The following NLRX1 variants were observed in gnomAD, a reference collection of about 807,000 sequenced individuals.
The protein encoded by NLRX1 is NLR family member X1, also known as NOD-like receptor X1.
Under a neutral mutation model 74.2 loss-of-function variants are expected in NLRX1, and 67 were observed. The ratio of observed to expected loss-of-function variants is 0.90; its 90% confidence interval spans 0.74 to 1.11. The LOEUF (loss-of-function observed/expected upper bound fraction) is 1.11, where lower values mean the gene tolerates loss of function less well. NLRX1 is among the 50% of genes least tolerant of loss of function. NLRX1 has a pLI of 0.00. For missense variants in NLRX1, 1,191 were observed against 1,305.4 expected (o/e 0.91, Z 1.35); for synonymous variants, 506 against 559.1 (o/e 0.91, Z 1.34).
At chr11:119,177,621 C>CT (rs1246429760) in intron 6 of NLRX1, among the ~76,000 whole-genome samples, 2 of 148,528 alleles carry the variant, frequency 1.3e-5, no homozygotes, top group Non-Finnish European at 3.0e-5. Context: ...GAGCGAGACT[C>CT]TGTCTCACAA....
chr11:119,181,797 C>T lies in NLRX1; in HGVS notation c.2355-297C>T, dbSNP rs141602215. 3.7e-3 allele frequency among the ~76,000 whole-genome samples: 569 copies of T among 152,004 alleles called. 4 individuals carry two copies. The highest frequency in any genetic ancestry group is 0.013 in the African/African-American group (529 of 41,418). ...GGTGAAAAAGGCAGAAAAAGGGAAA[C>T]GGAAATGGTGAAAAGGAAGGGAATA... On this transcript the variant is annotated intron_variant, in intron 8 of 9. Coordinates refer to ENST00000409109, the MANE Select transcript of NLRX1 (RefSeq NM_001282144.2).
chr11:119,174,241 T>C, intron 5 of NLRX1, 143 bp downstream of exon 5: 1 of 1,182,648 alleles, frequency 8.5e-7, no homozygotes, highest in Non-Finnish European at 1.2e-6. Context: ...TCTGTTCCTT[T>C]CTTTTTGAGT....
Position 119,173,447 on chromosome 11 carries a change from C to T in NLRX1, c.230-32C>T, listed in dbSNP as rs754195270. On this transcript the variant is annotated intron_variant, in intron 4 of 9. Transcript: ENST00000409109. The surrounding 1 kb of genome is among the most constrained non-coding windows in gnomAD (Gnocchi z 4.0). The stretch of plus-strand genomic sequence containing the variant: ...CTAAGCTACATCTCCAGGCCCCTTT[C>T]CCTGACACATTTCCCTTATCTTCCC... The T allele has an allele frequency of 6.3e-7, 1 of 1,598,276 alleles. No homozygotes were observed. Among genetic ancestry groups the T allele is most frequent in the Non-Finnish European group, 8.5e-7 (1 of 1,173,470 alleles).
At chr11:119,174,324 G>A in intron 5 of NLRX1, 129 bp from the exon 6 acceptor site, 1 of 1,081,268 alleles carries the variant, frequency 9.2e-7, no homozygotes, top group East Asian at 2.4e-5. Flanking sequence ...TTCAGTAATT[G>A]CTAGTTATAA....
At position 119,183,770 on chromosome 11, in the gene NLRX1, A is replaced by T. The variant is rs548752798; in HGVS notation, c.*331A>T. ...ACCTTGCCTCCCCCTCCTCTCAAAG[A>T]GCCTCTGACTGTGTCACCAAGGGGC... On this transcript the variant is annotated 3_prime_UTR_variant, in exon 10 of 10. Transcript: ENST00000409109. The surrounding 1 kb of genome is among the most constrained non-coding windows in gnomAD (Gnocchi z 5.7). 37 of 780,396 alleles carry T rather than the reference A, an allele frequency of 4.7e-5. No individual in the cohort carries two copies. The highest frequency in any genetic ancestry group is 4.7e-4 in the South Asian group (35 of 74,574). 48.3% of individuals were successfully genotyped at this position (780,396 alleles called of 1,614,324 possible). A position where few individuals can be genotyped will look rare whatever the true frequency, so the allele number is the denominator to read the frequency against.
chr11:119,181,662 G>A lies in NLRX1; in HGVS notation c.2354+405G>A, dbSNP rs555103579. Among the ~76,000 whole-genome samples the A allele has an allele frequency of 3.3e-5, 5 of 152,236 alleles. No homozygotes were observed. The Middle Eastern group carries it at 0.01, about 311-fold the overall frequency. Reference sequence around the variant, plus strand: ...ATATGTGGGGAACCTGAGCTCCTGGGTTCCCAGTTTCTGATTGGTGTAAGG... The same window carrying A: ...ATATGTGGGGAACCTGAGCTCCTGGATTCCCAGTTTCTGATTGGTGTAAGG... On this transcript the variant is annotated intron_variant, in intron 8 of 9. Transcript: ENST00000409109.
intron 6 of NLRX1, among the ~76,000 whole-genome samples, chr11:119,179,130 T>C (rs540865191): frequency 9.8e-5 from 15 of 152,314 alleles, no homozygotes; most frequent in African/African-American, 3.4e-4. Context: ...CTTAAAGCAG[T>C]AGGAACTGCA....
At chr11:119,175,671 T>C (rs116095690) in intron 6 of NLRX1, among the ~76,000 whole-genome samples, 1,533 of 152,358 alleles carry the variant, frequency 0.01, 25 homozygotes, top group African/African-American at 0.035. Context: ...GATTAGGCTC[T>C]GAGAGTGATG....
At position 119,183,314 on chromosome 11, in the gene NLRX1, C is replaced by G; in HGVS notation, c.2803C>G (p.Leu935Val). ...GGCCCGGGTTCAGCGACACCTTGAG[C>G]TCCTACTGCGGGATCTGGAAGATAG... ...DRARVQRHLE[L>V]LLRDLEDSRG... Residue 935 changes from leucine to valine, a missense_variant, in exon 10 of 10, where the codon CTC (leucine) becomes GTC (valine). Leu to Val is a conservative substitution (Grantham distance 32). Coordinates refer to ENST00000409109, the MANE Select transcript of NLRX1 (RefSeq NM_001282144.2). The surrounding 1 kb of genome is among the most constrained non-coding windows in gnomAD (Gnocchi z 5.7). The G allele has an allele frequency of 6.2e-7, 1 of 1,614,242 alleles. No homozygotes were observed. Among genetic ancestry groups the G allele is most frequent in the Non-Finnish European group, 8.5e-7 (1 of 1,180,054 alleles).
Position 119,174,866 on chromosome 11 carries a change from G to C in NLRX1, c.1263G>C (p.Leu421=). The C allele has an allele frequency of 6.2e-7, 1 of 1,614,064 alleles. No individual in the cohort carries two copies. Among genetic ancestry groups the C allele is most frequent in the East Asian group, 2.2e-5 (1 of 44,886 alleles). The part of the protein sequence containing the change: ...LDSTDPSNLS[L]MAYAARTMGK... ...GCACTGACCCCTCCAATTTGTCCCT[G>C]ATGGCCTATGCAGCCCGAACCATGG... Residue 421 remains leucine (L), a synonymous_variant, in exon 6 of 10, where the codon CTG becomes CTC. Coordinates refer to ENST00000409109, the MANE Select transcript of NLRX1 (RefSeq NM_001282144.2).
In NLRX1 at chr11:119,172,959, G is replaced by A. The variant is rs2135159370; in HGVS notation, c.199G>A (p.Gly67Arg). Residue 67 changes from glycine (G) to arginine (R), a missense_variant, in exon 4 of 10, where the codon GGA becomes AGA. By Grantham distance (125) the Gly-to-Arg change is moderately radical (BLOSUM62 -2). Coordinates refer to ENST00000409109, the MANE Select transcript of NLRX1 (RefSeq NM_001282144.2). ...TAGCGCTCCCCCACCCGGGAGGCATGGACGGCTGTTCCCCAGCGCCTCTGC... is the reference window on the plus strand; with the variant it reads ...TAGCGCTCCCCCACCCGGGAGGCATAGACGGCTGTTCCCCAGCGCCTCTGC... ...VDSAPPPGRH[G>R]RLFPSASATE... 6.2e-7 allele frequency: 1 copy of A among 1,613,886 alleles called. No individual in the cohort carries two copies. The highest frequency in any genetic ancestry group is 1.1e-5 in the South Asian group (1 of 91,078).
intron 1 of NLRX1, among the ~76,000 whole-genome samples, chr11:119,170,566 T>C (rs1374676429): frequency 6.6e-6 from 1 of 152,212 alleles, no homozygotes; most frequent in Non-Finnish European, 1.5e-5. Flanking sequence ...TTATTTATTA[T>C]TTATGTCAGC....
intron 6 of NLRX1, among the ~76,000 whole-genome samples, chr11:119,176,344 C>G (rs1359390672): frequency 2.0e-5 from 3 of 152,160 alleles, no homozygotes; most frequent in Non-Finnish European, 2.9e-5. Context: ...ACCTTCTGGG[C>G]TCAAGCAATC....
chr11:119,173,420 C>G lies in NLRX1; in HGVS notation c.230-59C>G. ...CTGACCTCACCACCGCCCTGATTGG[C>G]CCTAAGCTACATCTCCAGGCCCCTT... On this transcript the variant is annotated intron_variant, in intron 4 of 9. Transcript: ENST00000409109. The surrounding 1 kb of genome is among the most constrained non-coding windows in gnomAD (Gnocchi z 4.0). 1.7e-5 allele frequency: 27 copies of G among 1,564,764 alleles called. No homozygotes were observed. Among genetic ancestry groups the G allele is most frequent in the Non-Finnish European group, 2.3e-5 (27 of 1,156,246 alleles).
At chr11:119,174,214 A>AG in intron 5 of NLRX1, 116 bp downstream of exon 5, 5 of 1,324,652 alleles carry the variant, frequency 3.8e-6, no homozygotes, top group Non-Finnish European at 5.1e-6. Flanking sequence ...TGAGCAAGTC[A>AG]GTAACTTCCC....
At chr11:119,181,968 CCT>C in intron 8 of NLRX1, 124 bp from the exon 9 acceptor site, 1 of 1,142,518 alleles carries the variant, frequency 8.8e-7, no homozygotes, top group Non-Finnish European at 1.3e-6. Context: ...CATGCAGGGC[CCT>C]CTTTGGCCCA....
At chr11:119,180,488 T>C (rs879311349) in intron 7 of NLRX1, among the ~76,000 whole-genome samples, 200 bp downstream of exon 7, 19 of 152,254 alleles carry the variant, frequency 1.2e-4, no homozygotes, top group Admixed American at 7.9e-4. Flanking sequence ...GCGTATCACC[T>C]GAGGTCAGGA....
In NLRX1 at chr11:119,173,619, C is replaced by T. The variant is rs777708171; in HGVS notation, c.370C>T (p.Leu124Phe). 3.7e-6 allele frequency: 6 copies of T among 1,614,150 alleles called. No homozygotes were observed. Among genetic ancestry groups the T allele is most frequent in the Non-Finnish European group, 5.1e-6 (6 of 1,180,042 alleles). ...CCGCGAGAGTACCCCTGATGAGCTACTTCGCCCACCCGCGGAGCTGGCCCT... is the reference window on the plus strand; with the variant it reads ...CCGCGAGAGTACCCCTGATGAGCTATTTCGCCCACCCGCGGAGCTGGCCCT... ...VIRESTPDELLRPPAELALEH... is the reference protein window; with the variant it reads ...VIRESTPDELFRPPAELALEH... The change falls in exon 5 of 10, where the codon CTT (leucine) becomes TTT (phenylalanine). Residue 124 changes from leucine (L) to phenylalanine (F), a missense_variant. Transcript: ENST00000409109. The surrounding 1 kb of genome is among the most constrained non-coding windows in gnomAD (Gnocchi z 4.0).
chr11:119,181,274 TG>T lies in NLRX1; in HGVS notation c.2354+21del, dbSNP rs750384611. On this transcript the variant is annotated intron_variant, in intron 8 of 9. Coordinates refer to ENST00000409109, the MANE Select transcript of NLRX1 (RefSeq NM_001282144.2). ...CACACTGCGGTGAGTGACCTGGGAG[TG>T]GGGCATCCTGGTGGCCAGCTAAGGT... is the stretch of plus-strand genomic sequence containing the variant. 3 of 1,596,352 alleles carry T rather than the reference TG, an allele frequency of 1.9e-6. No individual in the cohort carries two copies. Among genetic ancestry groups the T allele is most frequent in the South Asian group, 2.2e-5 (2 of 90,704 alleles).
Sources: gnomAD v4.1 joint callset for allele counts (sites outside exome capture counted in the v4.1 genomes callset) on GRCh38, gnomAD v4.1.1 for gene constraint, Gnocchi (gnomAD v3.1) non-coding constraint, MANE v1.5 for transcripts, NCBI Gene and HGNC (gene_info 2026-07-23, HGNC 2026-07-21) for gene names.